The following EYA4 variants were observed in gnomAD, a reference collection of about 807,000 sequenced individuals.
The protein encoded by EYA4 is EYA transcriptional coactivator and phosphatase 4.
Under a neutral mutation model 87.9 loss-of-function variants are expected in EYA4, and 31 were observed. The observed-to-expected ratio is 0.35, with a 90% CI of 0.27 to 0.48. The LOEUF is 0.48. EYA4 is among the 20% of genes least tolerant of loss of function. The pLI is 0.99. For synonymous variants in EYA4, 263 were observed against 270.6 expected, an observed-to-expected ratio of 0.97 and a Z score of 0.28; for missense variants, 678 against 761.4, an observed-to-expected ratio of 0.89 and a Z score of 1.29.
intron 10 of EYA4, among the ~76,000 whole-genome samples, chr6:133,466,592 A>G (rs1794863116): frequency 6.6e-6 from 1 of 152,164 alleles, no homozygotes; most frequent in South Asian, 2.1e-4. Flanking sequence ...GGGCCTGCGA[A>G]AACATCAACT....
intron 1 of EYA4, among the ~76,000 whole-genome samples, chr6:133,271,628 C>A (rs1191499424): frequency 6.6e-6 from 1 of 152,180 alleles, no homozygotes; most frequent in Non-Finnish European, 1.5e-5. Flanking sequence ...ATCGAGGGCT[C>A]AGTGTTGCTC....
At chr6:133,261,287 GTT>G (rs1435260159) in intron 1 of EYA4, among the ~76,000 whole-genome samples, 22 of 152,262 alleles carry the variant, frequency 1.4e-4, no homozygotes, top group African/African-American at 4.8e-4. Flanking sequence ...TGTTTTGGGG[GTT>G]TTAAGGCTTT....
chr6:133,259,005 A>G (rs1322601952), intron 1 of EYA4, among the ~76,000 whole-genome samples: 1 of 152,198 alleles, frequency 6.6e-6, no homozygotes, highest in Non-Finnish European at 1.5e-5. Flanking sequence ...TTATTTGGGT[A>G]TAAATGTGAT....
chr6:133,298,477 A>G (rs1779114468), intron 2 of EYA4, among the ~76,000 whole-genome samples: 1 of 152,130 alleles, frequency 6.6e-6, no homozygotes, highest in South Asian at 2.1e-4. Context: ...GTGTGTGTTT[A>G]AATCATAAGT....
chr6:133,388,965 T>TG lies in EYA4; in HGVS notation c.83+6525dup, dbSNP rs1230880650. 3.3e-5 allele frequency among the ~76,000 whole-genome samples: 5 copies of TG among 152,308 alleles called. No individual in the cohort carries two copies. In the East Asian group the frequency reaches 9.7e-4, roughly 29 times the overall value. ...CTGCTTCTGCTCGGTGTGCATGAGC[T>TG]GCTGCTTGTTAGGAGGTCTGCATTC... On this transcript the variant is annotated intron_variant, in intron 3 of 19. Transcript: ENST00000355286.
intron 3 of EYA4, among the ~76,000 whole-genome samples, chr6:133,425,559 CA>C (rs1296842861): frequency 6.6e-6 from 1 of 150,706 alleles, no homozygotes; most frequent in Non-Finnish European, 1.5e-5. Context: ...CTGTTTTGTT[CA>C]AATCTTTTCC....
At chr6:133,343,564 ACCACCCCCC>A (rs1782967171) in intron 2 of EYA4, among the ~76,000 whole-genome samples, 1 of 91,496 alleles carries the variant, frequency 1.1e-5, no homozygotes, top group East Asian at 3.4e-4. Context: ...CACCCCCGCC[ACCACCCCCC>A]CCACCCACCC....
intron 13 of EYA4, among the ~76,000 whole-genome samples, chr6:133,495,183 C>T (rs1044453778): frequency 6.6e-6 from 1 of 151,896 alleles, no homozygotes; most frequent in African/African-American, 2.4e-5. Flanking sequence ...GCAGCAGAAT[C>T]GCCTGAACCC....
intron 2 of EYA4, among the ~76,000 whole-genome samples, chr6:133,349,925 A>G (rs1177914815): frequency 6.6e-6 from 1 of 152,166 alleles, no homozygotes; most frequent in Admixed American, 6.5e-5. Context: ...AAAGAAGTAT[A>G]AACTTCAGAC....
intron 2 of EYA4, among the ~76,000 whole-genome samples, chr6:133,351,262 C>T (rs1783619190): frequency 6.6e-6 from 1 of 152,140 alleles, no homozygotes; most frequent in Admixed American, 6.5e-5. Flanking sequence ...TTTAGTGAGG[C>T]CTCTGTACTC....
At chr6:133,421,537 C>T (rs1001364770) in intron 3 of EYA4, among the ~76,000 whole-genome samples, 3 of 152,082 alleles carry the variant, frequency 2.0e-5, no homozygotes, top group African/African-American at 4.8e-5. Context: ...TGTGCATTTC[C>T]GTGTCTTGAT....
At chr6:133,281,107 C>T (rs1471513540) in intron 2 of EYA4, among the ~76,000 whole-genome samples, 1 of 152,084 alleles carries the variant, frequency 6.6e-6, no homozygotes, top group Non-Finnish European at 1.5e-5. Context: ...TCTATTTATA[C>T]TCTTTAAATA....
At chr6:133,312,026 G>A (rs571424859) in intron 2 of EYA4, among the ~76,000 whole-genome samples, 4 of 152,264 alleles carry the variant, frequency 2.6e-5, no homozygotes, top group African/African-American at 7.2e-5. Flanking sequence ...ATGAAAGCAG[G>A]TAACAGTGAA....
At chr6:133,507,391 A>G (rs73003635) in intron 14 of EYA4, 1 of 123,716 alleles carries the variant, frequency 8.1e-6, no homozygotes, top group African/African-American at 3.0e-5. Context: ...TTTTTTTTTT[A>G]ATGCTCTAAG....
At chr6:133,248,457 A>G (rs1042255670) in intron 1 of EYA4, 17 of 152,242 alleles carry the variant, frequency 1.1e-4, no homozygotes, top group Admixed American at 1.0e-3. Context: ...AAGGTCATAT[A>G]TACAATTCAC....
At chr6:133,490,726 A>G (rs895740268) in intron 13 of EYA4, among the ~76,000 whole-genome samples, 29 of 152,184 alleles carry the variant, frequency 1.9e-4, no homozygotes, top group Non-Finnish European at 3.8e-4. Flanking sequence ...ATTAATACTA[A>G]AGAGAGAGAT....
intron 13 of EYA4, among the ~76,000 whole-genome samples, chr6:133,484,652 T>C (rs1303861329): frequency 1.3e-5 from 2 of 152,218 alleles, no homozygotes; most frequent in Non-Finnish European, 2.9e-5. Flanking sequence ...TCTGAAGAAT[T>C]TATTCTAAGT....
chr6:133,376,574 T>C (rs1038077925), intron 2 of EYA4, among the ~76,000 whole-genome samples: 1 of 151,964 alleles, frequency 6.6e-6, no homozygotes, highest in Non-Finnish European at 1.5e-5. Flanking sequence ...AGCCCAGCTA[T>C]TTTGGAAGAT....
chr6:133,456,858 G>A (rs1489146366), intron 6 of EYA4, among the ~76,000 whole-genome samples: 6 of 152,074 alleles, frequency 3.9e-5, no homozygotes, highest in Non-Finnish European at 5.9e-5. Flanking sequence ...TATTTTAGTT[G>A]ACAGCAAAAG....
Sources: gnomAD v4.1 joint callset for allele counts (sites outside exome capture counted in the v4.1 genomes callset) on GRCh38, gnomAD v4.1.1 for gene constraint, MANE v1.5 for transcripts, NCBI Gene and HGNC (gene_info 2026-07-23, HGNC 2026-07-21) for gene names.